Variants in PHF21B observed in about 807,000 individuals in gnomAD.
PHF21B encodes PHD finger protein 4.
A neutral mutation model predicts 62.2 loss-of-function variants in PHF21B; 22 were observed. That is an observed-to-expected ratio of 0.35 (90% confidence interval 0.25 to 0.51). The LOEUF (loss-of-function observed/expected upper bound fraction) is 0.51, where lower values mean the gene tolerates loss of function less well. Ranked by LOEUF, PHF21B falls within the 20% of genes least tolerant of loss-of-function variation. The pLI is 0.97. For synonymous variants in PHF21B, 341 were observed against 314.7 expected, an observed-to-expected ratio of 1.08 and a Z score of -0.88; for missense variants, 701 against 707.9, an observed-to-expected ratio of 0.99 and a Z score of 0.11.
intron 3 of PHF21B, among the ~76,000 whole-genome samples, chr22:44,920,017 A>G (rs1374252952): frequency 1.3e-5 from 2 of 152,004 alleles, no homozygotes; most frequent in African/African-American, 2.4e-5. Flanking sequence ...AGTGTCTCAA[A>G]CTTCCTGACC....
At chr22:44,956,709 G>A (rs910289889) in intron 2 of PHF21B, among the ~76,000 whole-genome samples, 24 of 152,274 alleles carry the variant, frequency 1.6e-4, no homozygotes, top group African/African-American at 4.3e-4. Context: ...CCTGACCACC[G>A]GAAAGGCCCA....
chr22:44,977,865 T>C (rs2072767612), intron 2 of PHF21B, among the ~76,000 whole-genome samples: 1 of 151,764 alleles, frequency 6.6e-6, no homozygotes, highest in South Asian at 2.1e-4. Context: ...TGATTACAGG[T>C]GTGAGCCACT....
intron 2 of PHF21B, among the ~76,000 whole-genome samples, chr22:44,960,305 C>A (rs572837296): frequency 4.7e-4 from 71 of 152,264 alleles, no homozygotes; most frequent in African/African-American, 1.6e-3. Flanking sequence ...TGTCAGATGA[C>A]ATCAAGACAA....
chr22:44,962,233 G>A (rs1695407854), intron 2 of PHF21B, among the ~76,000 whole-genome samples: 1 of 152,216 alleles, frequency 6.6e-6, no homozygotes, highest in Non-Finnish European at 1.5e-5. Flanking sequence ...CCCACCAAGA[G>A]TGTATAAGCA....
chr22:44,917,701 C>T (rs910637924), intron 3 of PHF21B, among the ~76,000 whole-genome samples: 3 of 152,214 alleles, frequency 2.0e-5, no homozygotes, highest in Non-Finnish European at 2.9e-5. Context: ...TGTCTGGCAT[C>T]GGTGAAGGGC....
At chr22:44,951,936 G>C (rs1462851244) in intron 2 of PHF21B, among the ~76,000 whole-genome samples, 2 of 152,232 alleles carry the variant, frequency 1.3e-5, no homozygotes, top group African/African-American at 4.8e-5. Context: ...GTGAACAAGA[G>C]TGAAATAAAG....
chr22:44,979,214 G>A (rs2072792752), intron 2 of PHF21B, among the ~76,000 whole-genome samples: 1 of 152,260 alleles, frequency 6.6e-6, no homozygotes, highest in Non-Finnish European at 1.5e-5. Context: ...TGGGGGCAGT[G>A]GGGTACAGGG....
chr22:44,923,835 T>C (rs1601603603), intron 2 of PHF21B, among the ~76,000 whole-genome samples: 2 of 151,452 alleles, frequency 1.3e-5, no homozygotes, highest in Admixed American at 6.6e-5. Context: ...CTGTGCAATA[T>C]AGTCTCTAGA....
intron 5 of PHF21B, among the ~76,000 whole-genome samples, chr22:44,909,764 AC>A (rs1037707970): frequency 6.6e-6 from 1 of 151,996 alleles, no homozygotes; most frequent in Non-Finnish European, 1.5e-5. Context: ...CTGGTGAGCT[AC>A]CCCTCTGCCT....
intron 2 of PHF21B, among the ~76,000 whole-genome samples, chr22:44,929,275 G>T (rs2071693660): frequency 6.6e-6 from 1 of 152,172 alleles, no homozygotes; most frequent in Admixed American, 6.5e-5. Flanking sequence ...TGTCAGGAAC[G>T]AACGAGCTGG....
chr22:45,008,785 G>C (rs2073373647), intron 1 of PHF21B, 175 bp from the exon 2 acceptor site: 2 of 1,161,386 alleles, frequency 1.7e-6, no homozygotes, highest in East Asian at 4.0e-5. Context: ...GCCGCGCGGG[G>C]CCGCTTACCT....
intron 5 of PHF21B, among the ~76,000 whole-genome samples, chr22:44,897,954 G>A (rs936881265): frequency 1.8e-4 from 27 of 152,068 alleles, no homozygotes; most frequent in African/African-American, 6.3e-4. Context: ...GACTACAGGT[G>A]CACACCACCA....
intron 2 of PHF21B, among the ~76,000 whole-genome samples, chr22:44,974,072 A>C (rs933309365): frequency 6.6e-6 from 1 of 152,174 alleles, no homozygotes; most frequent in African/African-American, 2.4e-5. Context: ...GACAGGCGTG[A>C]CTATCAGTTC....
chr22:44,903,466 A>G (rs1353849569), intron 5 of PHF21B, among the ~76,000 whole-genome samples: 1 of 151,422 alleles, frequency 6.6e-6, no homozygotes, highest in East Asian at 1.9e-4. Flanking sequence ...TGAAATCCAC[A>G]AAATGAAGAA....
chr22:44,959,059 G>C (rs888223234), intron 2 of PHF21B, among the ~76,000 whole-genome samples: 12 of 152,148 alleles, frequency 7.9e-5, no homozygotes, highest in African/African-American at 2.9e-4. Flanking sequence ...TTTCTCGGAG[G>C]ATGAGACAGT....
chr22:44,968,019 C>A (rs965346145), intron 2 of PHF21B, among the ~76,000 whole-genome samples: 15 of 152,124 alleles, frequency 9.9e-5, no homozygotes, highest in African/African-American at 3.6e-4. Context: ...ATCTTGTCGA[C>A]CTGGCTTGTC....
intron 2 of PHF21B, among the ~76,000 whole-genome samples, chr22:44,937,161 C>G (rs996196698): frequency 6.6e-6 from 1 of 152,152 alleles, no homozygotes; most frequent in African/African-American, 2.4e-5. Flanking sequence ...CCACCGCACC[C>G]GGCTGAACAT....
chr22:44,937,851 A>T (rs950289611), intron 2 of PHF21B, among the ~76,000 whole-genome samples: 1 of 152,266 alleles, frequency 6.6e-6, no homozygotes, highest in Non-Finnish European at 1.5e-5. Context: ...GCCTCCCCGG[A>T]CATGAGGCTC....
intron 4 of PHF21B, 37 bp from the exon 5 acceptor site, chr22:44,914,125 A>C: frequency 3.3e-6 from 2 of 609,546 alleles, no homozygotes. Context: ...GGAGGAAGGG[A>C]AGAGTGAGGG....
Sources: allele counts gnomAD v4.1 joint callset (sites outside exome capture counted in the v4.1 genomes callset), GRCh38; gene constraint gnomAD v4.1.1; transcripts MANE v1.5; gene names NCBI Gene and HGNC (gene_info 2026-07-23, HGNC 2026-07-21).